The following ANKS1B variants were observed in gnomAD, a reference collection of about 807,000 sequenced individuals.
ANKS1B encodes ankyrin repeat and sterile alpha motif domain-containing protein 1B.
Under a neutral mutation model 148.3 loss-of-function variants are expected in ANKS1B, and 36 were observed. That is an observed-to-expected ratio of 0.24 (90% CI 0.19 to 0.32). The LOEUF is 0.32. Among genes scored for constraint, ANKS1B ranks in the 10% least tolerant of loss-of-function variants. ANKS1B has a pLI of 1.00. For missense variants in ANKS1B, 1,157 were observed against 1,542.6 expected, an observed-to-expected ratio of 0.75 and a Z score of 4.19; for synonymous variants, 542 against 560.8, an observed-to-expected ratio of 0.97 and a Z score of 0.47.
chr12:98,991,238 T>C (rs2099926421), intron 17 of ANKS1B, among the ~76,000 whole-genome samples: 1 of 152,078 alleles, frequency 6.6e-6, no homozygotes, highest in Non-Finnish European at 1.5e-5. Context: ...GAAAAGTAAA[T>C]GGGGGTACCA....
chr12:99,472,117 C>A (rs12811344), intron 10 of ANKS1B, among the ~76,000 whole-genome samples: 26,731 of 152,038 alleles, frequency 0.18, 2,415 homozygotes, highest in Middle Eastern at 0.23. Context: ...ATAGTCTGAC[C>A]TAAAAGAAAA....
At chr12:99,893,495 G>A (rs1326357439) in intron 1 of ANKS1B, among the ~76,000 whole-genome samples, 1 of 151,744 alleles carries the variant, frequency 6.6e-6, no homozygotes, top group Non-Finnish European at 1.5e-5. Flanking sequence ...GCCATTTCAT[G>A]AAGCAGTGGT....
chr12:98,909,241 A>G (rs961440881), intron 17 of ANKS1B, among the ~76,000 whole-genome samples: 4 of 152,202 alleles, frequency 2.6e-5, no homozygotes, highest in Non-Finnish European at 5.9e-5. Context: ...CCCCACCATC[A>G]GGTTCCGCAC....
chr12:99,316,973 T>C (rs1204381140), intron 12 of ANKS1B, among the ~76,000 whole-genome samples: 1 of 152,200 alleles, frequency 6.6e-6, no homozygotes, highest in African/African-American at 2.4e-5. Context: ...AAAGATCAGA[T>C]GGTTGTAGAT....
chr12:99,928,277 T>TTTTA lies in ANKS1B; in HGVS notation c.134+55826_134+55827insTAAA, dbSNP rs1456135339. ...TATTATTTTATTTTATTTTATTTTT[T>TTTTA]TTTTTTTTTTTTGAGACGGAGTCTC... On this transcript the variant is annotated intron_variant, in intron 1 of 26. Coordinates refer to ENST00000683438, the MANE Select transcript of ANKS1B (RefSeq NM_001352186.2). 4.4e-3 allele frequency among the ~76,000 whole-genome samples: 242 copies of TTTTA among 55,494 alleles called. 3 individuals are homozygous for TTTTA. Among genetic ancestry groups the TTTTA allele is most frequent in the African/African-American group, 0.015 (202 of 13,574 alleles). The allele number at this position is 55,494 out of a possible 152,430, so 36.4% of individuals were successfully genotyped here.
At chr12:99,900,798 A>T (rs2093573711) in intron 1 of ANKS1B, among the ~76,000 whole-genome samples, 1 of 152,152 alleles carries the variant, frequency 6.6e-6, no homozygotes, top group Non-Finnish European at 1.5e-5. Context: ...ACTCTACTTG[A>T]TCTTTATTTC....
chr12:99,475,795 G>A (rs550762494), intron 10 of ANKS1B, among the ~76,000 whole-genome samples: 137 of 151,846 alleles, frequency 9.0e-4, no homozygotes, highest in Non-Finnish European at 1.6e-3. Context: ...AAAATGAAGA[G>A]CAATAAAAAT....
intron 17 of ANKS1B, among the ~76,000 whole-genome samples, chr12:98,880,394 G>C (rs997220299): frequency 4.6e-5 from 7 of 152,144 alleles, no homozygotes; most frequent in African/African-American, 1.4e-4. Flanking sequence ...ACTGGGTTTT[G>C]GTAACAATAT....
At chr12:99,638,096 A>C (rs2098260224) in intron 9 of ANKS1B, among the ~76,000 whole-genome samples, 1 of 152,088 alleles carries the variant, frequency 6.6e-6, no homozygotes, top group Non-Finnish European at 1.5e-5. Context: ...GTGAAGAAGA[A>C]CATATTTGTT....
At chr12:99,121,664 A>G (rs950946030) in intron 15 of ANKS1B, among the ~76,000 whole-genome samples, 3 of 152,178 alleles carry the variant, frequency 2.0e-5, no homozygotes, top group African/African-American at 7.2e-5. Flanking sequence ...TGGAGAGGAA[A>G]GTTAATAATA....
At chr12:99,250,262 AGT>A (rs1490335043) in intron 12 of ANKS1B, among the ~76,000 whole-genome samples, 2 of 152,182 alleles carry the variant, frequency 1.3e-5, no homozygotes, top group Non-Finnish European at 2.9e-5. Flanking sequence ...TGGCCTAGAG[AGT>A]GAGAGCCAGA....
intron 17 of ANKS1B, among the ~76,000 whole-genome samples, chr12:98,950,038 A>G (rs747956851): frequency 3.3e-5 from 5 of 152,220 alleles, no homozygotes; most frequent in Non-Finnish European, 5.9e-5. Context: ...AGGCTGAAGG[A>G]GGGAGTGGTT....
chr12:99,183,187 A>T (rs567646228), intron 14 of ANKS1B, among the ~76,000 whole-genome samples: 1 of 152,322 alleles, frequency 6.6e-6, no homozygotes, highest in African/African-American at 2.4e-5. Context: ...CACTGATGAC[A>T]TGATGACCTT....
intron 9 of ANKS1B, among the ~76,000 whole-genome samples, chr12:98,736,939 G>A (rs1044587620): frequency 6.6e-6 from 1 of 152,200 alleles, no homozygotes; most frequent in African/African-American, 2.4e-5. Flanking sequence ...CATTTGAGTT[G>A]TTGAGAGATC....
chr12:99,541,582 C>T (rs992655088), intron 9 of ANKS1B, among the ~76,000 whole-genome samples: 6 of 152,192 alleles, frequency 3.9e-5, no homozygotes, highest in Non-Finnish European at 7.4e-5. Context: ...TGCTTCTGGT[C>T]GGGCATGGTG....
intron 9 of ANKS1B, among the ~76,000 whole-genome samples, chr12:99,634,325 C>T (rs1001930566): frequency 6.6e-6 from 1 of 152,032 alleles, no homozygotes; most frequent in African/African-American, 2.4e-5. Context: ...ACATTCAGCC[C>T]CCTCACCATG....
chr12:99,862,284 GA>G (rs1378274092), intron 1 of ANKS1B, among the ~76,000 whole-genome samples: 1 of 151,644 alleles, frequency 6.6e-6, no homozygotes, highest in Non-Finnish European at 1.5e-5. Context: ...GATTGTTTTT[GA>G]AAAAAATAAA....
chr12:98,950,332 AC>A (rs2099852179), intron 17 of ANKS1B, among the ~76,000 whole-genome samples: 4 of 152,092 alleles, frequency 2.6e-5, no homozygotes, highest in South Asian at 2.1e-4. Context: ...CCCCATCTCT[AC>A]CAAAAATACA....
intron 11 of ANKS1B, among the ~76,000 whole-genome samples, chr12:99,438,744 A>G (rs1244576023): frequency 6.6e-6 from 1 of 151,910 alleles, no homozygotes; most frequent in Non-Finnish European, 1.5e-5. Flanking sequence ...AGTACACGCA[A>G]TAAACTGATA....
Sources: allele counts gnomAD v4.1 joint callset (sites outside exome capture counted in the v4.1 genomes callset), GRCh38; gene constraint gnomAD v4.1.1; transcripts MANE v1.5; gene names NCBI Gene and HGNC (gene_info 2026-07-23, HGNC 2026-07-21).